Variants in FRMD5 observed in about 807,000 individuals in gnomAD.
FRMD5 encodes FERM domain containing 5, also known as FERM domain-containing protein 5.
Under a neutral mutation model 69.0 loss-of-function variants are expected in FRMD5, and 20 were observed. The observed-to-expected ratio is 0.29, with a 90% confidence interval of 0.20 to 0.42. The LOEUF (loss-of-function observed/expected upper bound fraction) is 0.42. Among genes scored for constraint, FRMD5 ranks in the 10% least tolerant of loss-of-function variants. The probability of loss-of-function intolerance (pLI) is 1.00; values close to 1 mark genes in which losing one functional copy is unlikely to be tolerated. For missense variants in FRMD5, 595 were observed against 708.6 expected, an observed-to-expected ratio of 0.84 and a Z score of 1.82; for synonymous variants, 271 against 260.1, an observed-to-expected ratio of 1.04 and a Z score of -0.40.
chr15:44,069,571 A>C (rs1893447037), intron 1 of FRMD5, among the ~76,000 whole-genome samples: 1 of 152,190 alleles, frequency 6.6e-6, no homozygotes, highest in South Asian at 2.1e-4. Flanking sequence ...AAAAGGTTAT[A>C]AATGGTATGA....
intron 4 of FRMD5, among the ~76,000 whole-genome samples, chr15:43,917,511 C>T (rs1353686492): frequency 6.6e-6 from 1 of 152,184 alleles, no homozygotes; most frequent in African/African-American, 2.4e-5. Context: ...CTGCCTCAGC[C>T]TCCCGAGTAG....
intron 1 of FRMD5, among the ~76,000 whole-genome samples, chr15:44,130,296 CT>C (rs2077081266): frequency 6.6e-6 from 1 of 152,224 alleles, no homozygotes; most frequent in African/African-American, 2.4e-5. Context: ...TCTGCCTCGC[CT>C]TCATGGCCTT....
At chr15:43,983,579 C>G (rs74373748) in intron 1 of FRMD5, among the ~76,000 whole-genome samples, 4,213 of 152,240 alleles carry the variant, frequency 0.028, 165 homozygotes, top group East Asian at 0.091. Context: ...TTTAAGAAGT[C>G]TGACAATGCT....
intron 1 of FRMD5, among the ~76,000 whole-genome samples, chr15:44,121,660 A>C (rs2076953214): frequency 6.6e-6 from 1 of 151,932 alleles, no homozygotes; most frequent in African/African-American, 2.4e-5. Flanking sequence ...CCAAAAAAAA[A>C]ACAAAAACAA....
chr15:44,131,867 A>G (rs761824951), intron 1 of FRMD5, among the ~76,000 whole-genome samples: 1 of 126,638 alleles, frequency 7.9e-6, no homozygotes, highest in Non-Finnish European at 1.8e-5. Context: ...CATGGAAGTC[A>G]ATTTTTCCAC....
At chr15:44,084,766 TTTTTAAAAAGAACTA>T (rs1894128466) in intron 1 of FRMD5, among the ~76,000 whole-genome samples, 1 of 152,120 alleles carries the variant, frequency 6.6e-6, no homozygotes, top group Admixed American at 6.6e-5. Flanking sequence ...TCAAATTTGT[TTTTTAAAAAGAACTA>T]TAGAAATGTA....
intron 1 of FRMD5, among the ~76,000 whole-genome samples, chr15:44,040,935 G>A (rs1311963642): frequency 4.0e-5 from 5 of 126,480 alleles, no homozygotes; most frequent in Non-Finnish European, 7.9e-5. Context: ...CATCTGCAAA[G>A]ACACACGTAG....
chr15:43,982,465 C>T (rs1451851076), intron 1 of FRMD5, among the ~76,000 whole-genome samples: 1 of 152,152 alleles, frequency 6.6e-6, no homozygotes, highest in African/African-American at 2.4e-5. Flanking sequence ...TGAGGGTTAG[C>T]AGCTATACAG....
In FRMD5 at chr15:44,195,107, A is replaced by G. The variant is rs1171571419; in HGVS notation, c.-53T>C. ...GCGGCGGCGCTGCGGACCCTGGACC[A>G]GGCGTCCCTCAGCCCGGCAGCTCCG... On this transcript the variant is annotated 5_prime_UTR_variant, in exon 1 of 14. Coordinates refer to ENST00000417257, the MANE Select transcript of FRMD5 (RefSeq NM_032892.5). 2.4e-6 allele frequency: 3 copies of G among 1,241,288 alleles called. No individual in the cohort carries two copies. The highest frequency in any genetic ancestry group is 9.7e-5 in the East Asian group (2 of 20,570). The allele number at this position is 1,241,288 out of a possible 1,614,324, so 76.9% of individuals were successfully genotyped here.
intron 1 of FRMD5, among the ~76,000 whole-genome samples, chr15:44,110,177 T>C (rs577876529): frequency 6.6e-6 from 1 of 152,362 alleles, no homozygotes; most frequent in East Asian, 1.9e-4. Flanking sequence ...GTTATAAACA[T>C]CCACAGGCAG....
chr15:43,892,257 A>C (rs2088810382), intron 7 of FRMD5, among the ~76,000 whole-genome samples, 188 bp from the exon 8 acceptor site: 1 of 152,122 alleles, frequency 6.6e-6, no homozygotes. Context: ...GCATGACTAC[A>C]GGCAAGTTAC....
intron 1 of FRMD5, among the ~76,000 whole-genome samples, chr15:44,053,475 C>T (rs1892749421): frequency 6.6e-6 from 1 of 151,866 alleles, no homozygotes; most frequent in South Asian, 2.1e-4. Context: ...ACTGGAATAG[C>T]AGAAAAAGAT....
intron 1 of FRMD5, among the ~76,000 whole-genome samples, chr15:44,042,020 T>C (rs889152202): frequency 6.5e-4 from 99 of 152,120 alleles, no homozygotes; most frequent in African/African-American, 2.2e-3. Context: ...ATCAACAACA[T>C]AGATAGACTA....
chr15:44,172,715 T>C (rs1383463979), intron 1 of FRMD5, among the ~76,000 whole-genome samples: 1 of 152,208 alleles, frequency 6.6e-6, no homozygotes, highest in Non-Finnish European at 1.5e-5. Flanking sequence ...TACCCATTCA[T>C]CTCAGAACTA....
intron 1 of FRMD5, among the ~76,000 whole-genome samples, chr15:44,023,470 C>T (rs903082133): frequency 6.6e-6 from 1 of 152,168 alleles, no homozygotes; most frequent in Non-Finnish European, 1.5e-5. Context: ...TTACAAAGCA[C>T]CTTGAGCTTA....
At chr15:44,068,927 T>G (rs1483076534) in intron 1 of FRMD5, among the ~76,000 whole-genome samples, 1 of 152,164 alleles carries the variant, frequency 6.6e-6, no homozygotes, top group Admixed American at 6.5e-5. Flanking sequence ...AAGGAATGAA[T>G]AGCACATTGC....
chr15:44,118,280 G>A (rs2076898939), intron 1 of FRMD5, among the ~76,000 whole-genome samples: 1 of 151,806 alleles, frequency 6.6e-6, no homozygotes, highest in Admixed American at 6.6e-5. Flanking sequence ...TTCCCTTCTG[G>A]GTATATTGTA....
intron 13 of FRMD5, among the ~76,000 whole-genome samples, chr15:43,880,717 AG>A (rs2088501990): frequency 6.6e-6 from 1 of 152,188 alleles, no homozygotes; most frequent in Non-Finnish European, 1.5e-5. Context: ...ACAGGGTGTG[AG>A]AAGCACCTGG....
chr15:44,176,105 T>G (rs1215104169), intron 1 of FRMD5, among the ~76,000 whole-genome samples: 3 of 152,166 alleles, frequency 2.0e-5, no homozygotes, highest in Non-Finnish European at 4.4e-5. Flanking sequence ...ATGAAGGTGG[T>G]GAACTCATAC....
Sources: gnomAD v4.1 joint callset for allele counts (sites outside exome capture counted in the v4.1 genomes callset) on GRCh38, gnomAD v4.1.1 for gene constraint, MANE v1.5 for transcripts, NCBI Gene and HGNC (gene_info 2026-07-23, HGNC 2026-07-21) for gene names.